The following PRKCA variants were observed in gnomAD, a reference collection of about 807,000 sequenced individuals.
PRKCA encodes protein kinase C alpha.
PRKCA carries 27 observed loss-of-function variants against 87.0 expected under a neutral mutation model. The ratio of observed to expected loss-of-function variants is 0.31; its 90% CI spans 0.23 to 0.43. The LOEUF (loss-of-function observed/expected upper bound fraction) is 0.43. Ranked by LOEUF, PRKCA falls within the 20% of genes least tolerant of loss-of-function variation. PRKCA has a pLI of 1.00. For synonymous variants in PRKCA, 329 were observed against 311.1 expected (o/e 1.06, Z -0.61); for missense variants, 518 against 852.3 (o/e 0.61, Z 4.88).
chr17:66,675,856 C>T (rs1243747936), intron 5 of PRKCA, among the ~76,000 whole-genome samples: 4 of 152,194 alleles, frequency 2.6e-5, no homozygotes, highest in East Asian at 1.9e-4. Flanking sequence ...CGGGGTCCCA[C>T]GCCAGCTGAC....
intron 2 of PRKCA, chr17:66,364,059 C>T (rs1358066067): frequency 6.5e-6 from 1 of 152,934 alleles, no homozygotes; most frequent in African/African-American, 2.4e-5. Flanking sequence ...CCTGTAGTCC[C>T]AGCTACTCAG....
intron 13 of PRKCA, among the ~76,000 whole-genome samples, chr17:66,744,318 A>G (rs1487101433): frequency 6.6e-6 from 1 of 152,196 alleles, no homozygotes; most frequent in Non-Finnish European, 1.5e-5. Context: ...CAGAAATACA[A>G]TCTCTTGATG....
chr17:66,336,075 T>G (rs767367745), intron 2 of PRKCA, among the ~76,000 whole-genome samples: 4 of 152,224 alleles, frequency 2.6e-5, no homozygotes, highest in Non-Finnish European at 4.4e-5. Context: ...TTGTTTCAAT[T>G]TAATCCATTT....
chr17:66,567,256 A>G (rs1454835304), intron 3 of PRKCA, among the ~76,000 whole-genome samples: 2 of 152,158 alleles, frequency 1.3e-5, no homozygotes, highest in African/African-American at 2.4e-5. Flanking sequence ...AAACTAGGAA[A>G]CAGGTGCCGA....
At chr17:66,473,883 G>A (rs992095113) in intron 2 of PRKCA, among the ~76,000 whole-genome samples, 5 of 152,056 alleles carry the variant, frequency 3.3e-5, no homozygotes, top group Admixed American at 2.6e-4. Context: ...GCGGTGAGCC[G>A]AGATCACGCC....
chr17:66,667,817 C>T (rs985497657), intron 5 of PRKCA, among the ~76,000 whole-genome samples: 2 of 152,188 alleles, frequency 1.3e-5, no homozygotes, highest in Non-Finnish European at 2.9e-5. Flanking sequence ...AGTGGAATTC[C>T]AAGAGCTACT....
At chr17:66,663,262 G>A (rs1452453716) in intron 5 of PRKCA, among the ~76,000 whole-genome samples, 6 of 152,224 alleles carry the variant, frequency 3.9e-5, no homozygotes, top group Non-Finnish European at 7.3e-5. Flanking sequence ...GTCACTGGAC[G>A]TCGTCTCTTA....
intron 10 of PRKCA, among the ~76,000 whole-genome samples, 166 bp from the exon 11 acceptor site, chr17:66,738,598 A>G (rs997313367): frequency 6.6e-6 from 1 of 152,204 alleles, no homozygotes; most frequent in African/African-American, 2.4e-5. Flanking sequence ...AGGGTTTATT[A>G]CTTATTCTTT....
chr17:66,720,807 G>A (rs941133807), intron 8 of PRKCA, among the ~76,000 whole-genome samples: 7 of 152,218 alleles, frequency 4.6e-5, no homozygotes, highest in Non-Finnish European at 7.3e-5. Flanking sequence ...TGGCCTGTCC[G>A]TGGAATCTTA....
intron 16 of PRKCA, among the ~76,000 whole-genome samples, chr17:66,798,459 T>TGAC (rs1975741662): frequency 2.6e-4 from 13 of 50,046 alleles, no homozygotes; most frequent in South Asian, 1.4e-3. Context: ...GTGACGGTGG[T>TGAC]GGTGGTGGTG....
chr17:66,515,232 G>T (rs565895653), intron 3 of PRKCA, among the ~76,000 whole-genome samples: 1 of 140,080 alleles, frequency 7.1e-6, no homozygotes, highest in Non-Finnish European at 1.5e-5. Flanking sequence ...AGATTGCGCC[G>T]CTGCACTCCA....
chr17:66,418,124 G>A (rs919599265), intron 2 of PRKCA, among the ~76,000 whole-genome samples: 2 of 152,186 alleles, frequency 1.3e-5, no homozygotes, highest in South Asian at 2.1e-4. Context: ...TTGGAAGGAC[G>A]TGCAGGTGTG....
At chr17:66,798,734 ATGGTGG>A (rs1568041448) in intron 16 of PRKCA, among the ~76,000 whole-genome samples, 2 of 498 alleles carry the variant, frequency 4.0e-3, no homozygotes, top group African/African-American at 5.4e-3. Context: ...GGTGGTGGTG[ATGGTGG>A]TGGTGGTGGT....
intron 16 of PRKCA, chr17:66,796,998 C>CT (rs1418277928): frequency 2.0e-6 from 2 of 980,500 alleles, no homozygotes; most frequent in Non-Finnish European, 2.4e-6. Context: ...TTTGGTTTTG[C>CT]TTTTTAACAG....
chr17:66,433,480 T>C (rs1283204845), intron 2 of PRKCA, among the ~76,000 whole-genome samples: 1 of 152,036 alleles, frequency 6.6e-6, no homozygotes, highest in African/African-American at 2.4e-5. Context: ...ATGGATGGAG[T>C]AGCTAAAGGA....
At chr17:66,607,611 A>T (rs1012170993) in intron 3 of PRKCA, among the ~76,000 whole-genome samples, 13 of 152,228 alleles carry the variant, frequency 8.5e-5, no homozygotes, top group Non-Finnish European at 1.9e-4. Context: ...ATGTAGCAAC[A>T]TCTGGTTCCT....
intron 8 of PRKCA, among the ~76,000 whole-genome samples, chr17:66,699,107 G>A (rs536064627): frequency 6.6e-6 from 1 of 151,854 alleles, no homozygotes; most frequent in Non-Finnish European, 1.5e-5. Context: ...GCTGAGGCAG[G>A]AGGATGGCTT....
At position 66,790,777 on chromosome 17, in the gene PRKCA, T is replaced by G. The variant is rs181380079; in HGVS notation, c.1854+1798T>G. Among the ~76,000 whole-genome samples, 185 of 151,844 alleles carry G rather than the reference T, an allele frequency of 1.2e-3. 2 individuals are homozygous for G. Among genetic ancestry groups the G allele is most frequent in the Non-Finnish European group, 1.7e-3 (113 of 67,934 alleles). ...ATTGCCACGTTATGGCAGAAGAGAG[T>G]GTTTATTTGCATAGTCTCCCACATT... On this transcript the variant is annotated intron_variant, in intron 16 of 16. Coordinates refer to ENST00000413366, the MANE Select transcript of PRKCA (RefSeq NM_002737.3).
chr17:66,605,952 G>A (rs1176144995), intron 3 of PRKCA, among the ~76,000 whole-genome samples: 3 of 152,184 alleles, frequency 2.0e-5, no homozygotes, highest in East Asian at 3.8e-4. Context: ...GGATTGAGGA[G>A]GAACTGCTAA....
Sources: allele counts gnomAD v4.1 joint callset (sites outside exome capture counted in the v4.1 genomes callset), GRCh38; gene constraint gnomAD v4.1.1; transcripts MANE v1.5; gene names NCBI Gene and HGNC (gene_info 2026-07-23, HGNC 2026-07-21).